SDK1: variants seen among roughly 807,000 people sequenced by gnomAD.
The protein encoded by SDK1 is sidekick cell adhesion molecule 1, also known as protein sidekick-1.
Under a neutral mutation model 245.5 loss-of-function variants are expected in SDK1, and 157 were observed. That is an observed-to-expected ratio of 0.64 (90% CI 0.56 to 0.73). The LOEUF (loss-of-function observed/expected upper bound fraction) is 0.73. Ranked by LOEUF, SDK1 falls within the 30% of genes least tolerant of loss-of-function variation. SDK1 has a pLI of 0.00. For missense variants in SDK1, 3,583 were observed against 3,002.3 expected (o/e 1.19, Z -4.52); for synonymous variants, 1,647 against 1,278.5 (o/e 1.29, Z -6.15).
chr7:3,562,950 A>G (rs1401937470), intron 1 of SDK1, among the ~76,000 whole-genome samples: 2 of 151,308 alleles, frequency 1.3e-5, no homozygotes, highest in Non-Finnish European at 2.9e-5. Flanking sequence ...GTCCCCTGGC[A>G]AAGTTCATTG....
intron 1 of SDK1, among the ~76,000 whole-genome samples, chr7:3,346,306 T>C (rs1562429513): frequency 6.6e-6 from 1 of 152,114 alleles, no homozygotes. Flanking sequence ...TCCCCTTCAC[T>C]GAGAGGTGTC....
At chr7:3,843,077 T>G (rs972770884) in intron 5 of SDK1, among the ~76,000 whole-genome samples, 13 of 152,092 alleles carry the variant, frequency 8.5e-5, no homozygotes, top group African/African-American at 3.1e-4. Flanking sequence ...CCGCTTAGCA[T>G]TAGAGGAATG....
At chr7:3,919,932 T>G (rs1473207524) in intron 5 of SDK1, among the ~76,000 whole-genome samples, 1 of 151,740 alleles carries the variant, frequency 6.6e-6, no homozygotes, top group Non-Finnish European at 1.5e-5. Context: ...GCCACTAGAG[T>G]AAGCACCTGG....
intron 1 of SDK1, among the ~76,000 whole-genome samples, chr7:3,586,923 G>C (rs1170482395): frequency 6.6e-6 from 1 of 152,150 alleles, no homozygotes; most frequent in Non-Finnish European, 1.5e-5. Flanking sequence ...TTCTGTAAGA[G>C]ATTTTTTTGG....
intron 5 of SDK1, among the ~76,000 whole-genome samples, chr7:3,829,042 G>C (rs1779850999): frequency 6.6e-6 from 1 of 152,062 alleles, no homozygotes; most frequent in African/African-American, 2.4e-5. Context: ...TTAAATGGGT[G>C]ATGCTGTGTA....
intron 5 of SDK1, among the ~76,000 whole-genome samples, chr7:3,894,676 A>C (rs1243899871): frequency 6.6e-6 from 1 of 152,012 alleles, no homozygotes; most frequent in African/African-American, 2.4e-5. Flanking sequence ...ATTGAAACTA[A>C]AGCAGAGTAA....
intron 1 of SDK1, among the ~76,000 whole-genome samples, chr7:3,321,965 C>T (rs900154910): frequency 1.3e-5 from 2 of 151,204 alleles, no homozygotes; most frequent in African/African-American, 2.4e-5. Context: ...GCCTGTTTGC[C>T]CTCTCCCTCT....
intron 7 of SDK1, among the ~76,000 whole-genome samples, chr7:3,956,949 A>G (rs1295075204): frequency 6.6e-6 from 1 of 152,190 alleles, no homozygotes; most frequent in Non-Finnish European, 1.5e-5. Context: ...GACAACGGTA[A>G]TCAGTACCTC....
At chr7:3,875,696 AAAGG>A (rs1239362537) in intron 5 of SDK1, among the ~76,000 whole-genome samples, 1 of 152,196 alleles carries the variant, frequency 6.6e-6, no homozygotes, top group Non-Finnish European at 1.5e-5. Context: ...GCAGGGATCT[AAAGG>A]AAGGAGACAG....
At chr7:3,860,508 C>T (rs761350489) in intron 5 of SDK1, among the ~76,000 whole-genome samples, 1 of 152,120 alleles carries the variant, frequency 6.6e-6, no homozygotes, top group Non-Finnish European at 1.5e-5. Context: ...TTGATAATAT[C>T]AAGTGTTGAG....
intron 22 of SDK1, 94 bp downstream of exon 22, chr7:4,079,678 G>A: frequency 2.0e-6 from 3 of 1,532,966 alleles, no homozygotes; most frequent in Non-Finnish European, 2.7e-6. Context: ...GGCTTGGGGT[G>A]TCGGGGAGAT....
At chr7:3,824,104 G>T (rs903491026) in intron 5 of SDK1, among the ~76,000 whole-genome samples, 3 of 152,126 alleles carry the variant, frequency 2.0e-5, no homozygotes, top group African/African-American at 7.2e-5. Context: ...GAACACTGCA[G>T]TTCAGGACCT....
chr7:4,197,889 G>C (rs373788538), intron 35 of SDK1, among the ~76,000 whole-genome samples: 1 of 152,192 alleles, frequency 6.6e-6, no homozygotes, highest in African/African-American at 2.4e-5. Flanking sequence ...CTTGCCACAC[G>C]CAAGCAGAGG....
intron 1 of SDK1, among the ~76,000 whole-genome samples, chr7:3,302,700 A>G (rs1377007800): frequency 2.6e-5 from 4 of 151,346 alleles, no homozygotes; most frequent in Non-Finnish European, 5.9e-5. Context: ...TTAAACCAAA[A>G]CACCCCCCTC....
chr7:3,713,066 G>A (rs1785095245), intron 4 of SDK1, among the ~76,000 whole-genome samples: 1 of 152,244 alleles, frequency 6.6e-6, no homozygotes, highest in African/African-American at 2.4e-5. Context: ...CAGGGTGCCA[G>A]GAGGCAGGTG....
At chr7:4,242,810 C>T (rs908721108) in intron 43 of SDK1, among the ~76,000 whole-genome samples, 9 of 152,212 alleles carry the variant, frequency 5.9e-5, no homozygotes, top group Admixed American at 3.3e-4. Context: ...CAGGGGCCAG[C>T]AGTGTTTGGA....
intron 13 of SDK1, among the ~76,000 whole-genome samples, chr7:3,986,950 G>T: frequency 6.6e-6 from 1 of 152,214 alleles, no homozygotes; most frequent in Non-Finnish European, 1.5e-5. Context: ...TTGGTAGCTA[G>T]CATAAGGGTT....
chr7:3,851,023 C>CA (rs1435398685), intron 5 of SDK1, among the ~76,000 whole-genome samples: 2 of 152,004 alleles, frequency 1.3e-5, no homozygotes, highest in Non-Finnish European at 2.9e-5. Flanking sequence ...AAAAAGAAGA[C>CA]ACCTTTTATT....
In SDK1 at chr7:3,348,236, C is replaced by T. The variant is rs147883548; in HGVS notation, c.298+46352C>T. On this transcript the variant is annotated intron_variant, in intron 1 of 44. Coordinates refer to ENST00000404826, the MANE Select transcript of SDK1 (RefSeq NM_152744.4). The stretch of plus-strand genomic sequence containing the variant: ...TTCACTACTTGATAACTGTGTGATC[C>T]GAGGCAATTTTATTACCCTCTCTGA... Among the ~76,000 whole-genome samples the T allele has an allele frequency of 1.5e-3, 224 of 152,182 alleles. No homozygotes were observed. The Middle Eastern group carries it at 0.027, about 18-fold the overall frequency.
Sources: gnomAD v4.1 joint callset for allele counts (sites outside exome capture counted in the v4.1 genomes callset) on GRCh38, gnomAD v4.1.1 for gene constraint, MANE v1.5 for transcripts, NCBI Gene and HGNC (gene_info 2026-07-23, HGNC 2026-07-21) for gene names.